The following CDH4 variants were observed in gnomAD, a reference collection of about 807,000 sequenced individuals.
CDH4 encodes cadherin 4.
A neutral mutation model predicts 86.0 loss-of-function variants in CDH4; 33 were observed. The observed-to-expected ratio is 0.38, with a 90% CI of 0.29 to 0.51. The LOEUF is 0.51. CDH4 is among the 20% of genes least tolerant of loss of function. The pLI, the probability that CDH4 is intolerant of heterozygous loss-of-function variation, is 0.86. For synonymous variants in CDH4, 555 were observed against 549.4 expected, an observed-to-expected ratio of 1.01 and a Z score of -0.14; for missense variants, 1,114 against 1,307.4, an observed-to-expected ratio of 0.85 and a Z score of 2.28.
chr20:61,264,671 C>A (rs2084146879), intron 2 of CDH4, among the ~76,000 whole-genome samples: 2 of 150,264 alleles, frequency 1.3e-5, no homozygotes, highest in African/African-American at 4.9e-5. Context: ...GTGGCTCCTT[C>A]ATTCAATCTT....
intron 2 of CDH4, among the ~76,000 whole-genome samples, chr20:61,515,189 GCACCGGCAGGCCCTGCTGCTGTCCAT>G (rs1339130013): frequency 1.3e-5 from 2 of 152,258 alleles, no homozygotes; most frequent in Non-Finnish European, 2.9e-5. Flanking sequence ...GGGTGGCCCA[GCACCGGCAGGCCCTGCTGCTGTCCAT>G]CACCATTTGA....
At chr20:61,338,118 C>G (rs1205531055) in intron 2 of CDH4, among the ~76,000 whole-genome samples, 2 of 152,148 alleles carry the variant, frequency 1.3e-5, no homozygotes, top group Non-Finnish European at 1.5e-5. Context: ...TAGCTATCCT[C>G]AAAAAGTCAC....
chr20:61,489,065 C>T (rs978662089), intron 2 of CDH4, among the ~76,000 whole-genome samples: 7 of 152,172 alleles, frequency 4.6e-5, no homozygotes, highest in Non-Finnish European at 7.3e-5. Context: ...CAGGACTTCC[C>T]AGACCTCTGC....
chr20:61,468,242 TG>T (rs1479871069), intron 2 of CDH4, among the ~76,000 whole-genome samples: 1 of 152,172 alleles, frequency 6.6e-6, no homozygotes, highest in Non-Finnish European at 1.5e-5. Context: ...ACTATCCAGC[TG>T]GCCCAAGGTG....
At chr20:61,362,869 C>T (rs1056367132) in intron 2 of CDH4, among the ~76,000 whole-genome samples, 2 of 152,152 alleles carry the variant, frequency 1.3e-5, no homozygotes, top group African/African-American at 2.4e-5. Flanking sequence ...CATCATTGGT[C>T]CAACTGGGTC....
At chr20:61,785,567 G>A (rs902641723) in intron 4 of CDH4, among the ~76,000 whole-genome samples, 1 of 151,888 alleles carries the variant, frequency 6.6e-6, no homozygotes, top group Admixed American at 6.6e-5. Flanking sequence ...CACCCAGCTG[G>A]ATAGGGCCCT....
In CDH4 at chr20:61,735,656, CTGATGATGGTGCCCA is replaced by C. The variant is rs1220774469; in HGVS notation, c.170-7906_170-7892del. Among the ~76,000 whole-genome samples the C allele has an allele frequency of 6.6e-5, 10 of 152,348 alleles. No homozygotes were observed. In the South Asian group the frequency reaches 1.0e-3, roughly 16 times the overall value. On this transcript the variant is annotated intron_variant, in intron 2 of 15. Transcript: ENST00000614565. ...CCCCCTCCGCTGGACCCCGTGCTCC[CTGATGATGGTGCCCA>C]GGGTTGGGGCCTCCCCACGGCCTCC...
chr20:61,682,429 T>G (rs1600869780), intron 2 of CDH4, among the ~76,000 whole-genome samples: 5 of 80,540 alleles, frequency 6.2e-5, no homozygotes, highest in South Asian at 4.7e-4. Flanking sequence ...GAAGGATGGA[T>G]GGATGGAGGG....
intron 4 of CDH4, among the ~76,000 whole-genome samples, chr20:61,817,953 T>C (rs1980813904): frequency 6.6e-6 from 1 of 152,144 alleles, no homozygotes; most frequent in Non-Finnish European, 1.5e-5. Context: ...GGAATTTGGA[T>C]CTTGCAGGGT....
intron 2 of CDH4, among the ~76,000 whole-genome samples, chr20:61,683,041 A>C (rs2087534630): frequency 6.6e-6 from 1 of 152,164 alleles, no homozygotes; most frequent in Admixed American, 6.5e-5. Flanking sequence ...ATGACAGCCC[A>C]GAGTCTATTA....
intron 6 of CDH4, among the ~76,000 whole-genome samples, chr20:61,865,148 C>T (rs1471386995): frequency 6.6e-6 from 1 of 152,164 alleles, no homozygotes; most frequent in African/African-American, 2.4e-5. Context: ...ACCCCTCCTG[C>T]CACCCTGCAT....
intron 2 of CDH4, among the ~76,000 whole-genome samples, chr20:61,675,278 C>A (rs1287720402): frequency 6.6e-6 from 1 of 150,548 alleles, no homozygotes; most frequent in Non-Finnish European, 1.5e-5. Context: ...TGGGCTCAGC[C>A]AAGCACTCCC....
At chr20:61,734,919 G>T (rs975111207) in intron 2 of CDH4, among the ~76,000 whole-genome samples, 1 of 152,088 alleles carries the variant, frequency 6.6e-6, no homozygotes, top group African/African-American at 2.4e-5. Flanking sequence ...CAGCGCAGAC[G>T]ATAGCCCCCG....
chr20:61,564,883 T>G (rs566420665), intron 2 of CDH4, among the ~76,000 whole-genome samples: 2 of 152,040 alleles, frequency 1.3e-5, no homozygotes, highest in South Asian at 2.1e-4. Context: ...GCATAGGGAG[T>G]TGTAAATCCA....
At chr20:61,316,879 G>C (rs1283079658) in intron 2 of CDH4, among the ~76,000 whole-genome samples, 1 of 152,314 alleles carries the variant, frequency 6.6e-6, no homozygotes, top group East Asian at 1.9e-4. Flanking sequence ...GCAGGGCTGG[G>C]TGGGGAGGCG....
chr20:61,774,007 C>G (rs926644543), intron 4 of CDH4, among the ~76,000 whole-genome samples: 1 of 152,216 alleles, frequency 6.6e-6, no homozygotes, highest in East Asian at 1.9e-4. Flanking sequence ...TCCCTAACCT[C>G]GGCCACCAGG....
rs868672081 is a variant in CDH4, at chr20:61,873,845, C to T, written c.995C>T (p.Thr332Ile). 2 of 1,614,008 alleles carry T rather than the reference C, an allele frequency of 1.2e-6. No individual in the cohort carries two copies. The highest frequency in any genetic ancestry group is 2.2e-5 in the East Asian group (1 of 44,892). Residue 332 changes from threonine to isoleucine, a missense_variant, in exon 7 of 16, where the codon ACC (threonine) becomes ATC (isoleucine). Around this residue, in one of 3 missense-constraint regions of CDH4, gnomAD observed 705 missense variants for 914.1 expected, o/e 0.77. Transcript: ENST00000614565. ...TPQSPSQNMFTINSETGDIVT... is the reference protein window; with the variant it reads ...TPQSPSQNMFIINSETGDIVT... ...CAGAGCCCGTCCCAGAATATGTTCA[C>T]CATCAACAGCGAGACTGGAGATATC... is the stretch of plus-strand genomic sequence containing the variant.
intron 2 of CDH4, among the ~76,000 whole-genome samples, chr20:61,654,591 C>T (rs1209891008): frequency 2.0e-5 from 3 of 152,184 alleles, no homozygotes; most frequent in African/African-American, 4.8e-5. Context: ...GTAATTTATT[C>T]CACAGTTTTA....
At position 61,718,476 on chromosome 20, in the gene CDH4, C is replaced by T. The variant is rs192976381; in HGVS notation, c.170-25087C>T. ...GGAGGCAGGTGCCTGCTAAGGCTGA[C>T]GCTGGTTAGAGGCAGTGCCAGGACA... On this transcript the variant is annotated intron_variant, in intron 2 of 15. Coordinates refer to ENST00000614565, the MANE Select transcript of CDH4 (RefSeq NM_001794.5). 30 of 264,904 alleles carry T rather than the reference C, an allele frequency of 1.1e-4. No homozygotes were observed. The East Asian group carries it at 1.9e-3, about 17-fold the overall frequency. The allele number at this position is 264,904 out of a possible 1,614,324, so 16.4% of individuals were successfully genotyped here.
Sources: allele counts gnomAD v4.1 joint callset (sites outside exome capture counted in the v4.1 genomes callset), GRCh38; gene constraint gnomAD v4.1.1; regional missense constraint gnomAD v4.1.1; transcripts MANE v1.5; gene names NCBI Gene and HGNC (gene_info 2026-07-23, HGNC 2026-07-21).